The following CCDC141 variants were observed in gnomAD, a reference collection of about 807,000 sequenced individuals.
CCDC141 encodes the protein coiled-coil domain-containing protein 141.
Under a neutral mutation model 181.0 loss-of-function variants are expected in CCDC141, and 168 were observed. That is an observed-to-expected ratio of 0.93 (90% CI 0.82 to 1.05). The LOEUF (loss-of-function observed/expected upper bound fraction) is 1.05, where lower values mean the gene tolerates loss of function less well. CCDC141 is among the 50% of genes least tolerant of loss of function. The probability of loss-of-function intolerance (pLI) is 0.00; values close to 1 mark genes in which losing one functional copy is unlikely to be tolerated. For missense variants in CCDC141, 1,902 were observed against 1,788.5 expected, an observed-to-expected ratio of 1.06 and a Z score of -1.14; for synonymous variants, 666 against 642.3, an observed-to-expected ratio of 1.04 and a Z score of -0.56.
chr2:178,869,463 G>A (rs1686010081), intron 14 of CCDC141, among the ~76,000 whole-genome samples, 158 bp from the exon 15 acceptor site: 1 of 152,006 alleles, frequency 6.6e-6, no homozygotes. Flanking sequence ...GCATTGTGCT[G>A]GATGATAGAG....
intron 7 of CCDC141, among the ~76,000 whole-genome samples, chr2:178,905,943 T>C (rs1330929286): frequency 2.6e-5 from 4 of 152,244 alleles, no homozygotes; most frequent in Non-Finnish European, 5.9e-5. Context: ...TAAATTCCAC[T>C]TTGCTCTTGA....
Position 178,850,169 on chromosome 2 carries a change from G to A in CCDC141, c.3245-8C>T, listed in dbSNP as rs9808576. 5.8e-4 allele frequency: 858 copies of A among 1,480,698 alleles called. 5 individuals are homozygous for A. In the African/African-American group the frequency reaches 0.011, roughly 18 times the overall value. 91.7% of individuals were successfully genotyped at this position (1,480,698 alleles called of 1,614,324 possible). A position where few individuals can be genotyped will look rare whatever the true frequency, so the allele number is the denominator to read the frequency against. On this transcript the variant is annotated splice_polypyrimidine_tract_variant and splice_region_variant and intron_variant, in intron 20 of 23. Coordinates refer to ENST00000443758, the MANE Select transcript of CCDC141 (RefSeq NM_173648.4). ...TCTGTCCTTCTTCCAAACCTGGGGA[G>A]GAGAAGGATGAAACTAGTTTTAAAG... is the stretch of plus-strand genomic sequence containing the variant.
intron 2 of CCDC141, among the ~76,000 whole-genome samples, chr2:179,017,177 G>A (rs2042566397): frequency 6.6e-6 from 1 of 151,772 alleles, no homozygotes; most frequent in East Asian, 1.9e-4. Flanking sequence ...CATACTGGTG[G>A]CCTGTTTATC....
downstream of CCDC141, among the ~76,000 whole-genome samples, chr2:178,825,116 A>G (rs17356103): frequency 0.18 from 27,121 of 152,240 alleles, 2,833 homozygotes; most frequent in Middle Eastern, 0.26. Context: ...AAAAGTTTCC[A>G]GTTAACTAAA....
chr2:178,856,424 G>A, intron 17 of CCDC141, 27 bp from the exon 18 acceptor site: 7 of 1,490,890 alleles, frequency 4.7e-6, no homozygotes, highest in South Asian at 2.6e-5. Flanking sequence ...AGAAATAGGT[G>A]GTTTCCTTAA....
intron 17 of CCDC141, among the ~76,000 whole-genome samples, chr2:178,862,170 G>A (rs1452203421): frequency 6.6e-6 from 1 of 152,192 alleles, no homozygotes; most frequent in Non-Finnish European, 1.5e-5. Flanking sequence ...ATTAGAACAT[G>A]TGACCGATAC....
chr2:178,900,500 T>G (rs1471251795), intron 8 of CCDC141, among the ~76,000 whole-genome samples: 2 of 152,126 alleles, frequency 1.3e-5, no homozygotes, highest in African/African-American at 2.4e-5. Flanking sequence ...TCATAGAGTT[T>G]TTTGTTTGTT....
intron 2 of CCDC141, among the ~76,000 whole-genome samples, chr2:179,013,041 T>C (rs1281801027): frequency 6.6e-6 from 1 of 152,072 alleles, no homozygotes; most frequent in South Asian, 2.1e-4. Context: ...AAGCATGCCC[T>C]CTAAGAACTG....
chr2:178,928,245 A>C (rs1351346358), intron 6 of CCDC141, among the ~76,000 whole-genome samples: 1 of 152,182 alleles, frequency 6.6e-6, no homozygotes, highest in Non-Finnish European at 1.5e-5. Context: ...TGATGTCATA[A>C]AACAAAGTGT....
intron 2 of CCDC141, among the ~76,000 whole-genome samples, chr2:178,981,636 GTATA>G (rs1193430874): frequency 6.4e-5 from 4 of 62,396 alleles, no homozygotes; most frequent in Non-Finnish European, 1.3e-4. Flanking sequence ...GTGTGTGTGT[GTATA>G]TATATATATA....
At chr2:178,982,707 C>T (rs1033033301) in intron 2 of CCDC141, among the ~76,000 whole-genome samples, 6 of 152,154 alleles carry the variant, frequency 3.9e-5, no homozygotes, top group East Asian at 1.9e-4. Flanking sequence ...GGGTGACAGA[C>T]GGCACCTGGA....
At chr2:178,901,950 A>G (rs1016117935) in intron 8 of CCDC141, among the ~76,000 whole-genome samples, 98 of 152,330 alleles carry the variant, frequency 6.4e-4, no homozygotes, top group Non-Finnish European at 4.7e-4. Flanking sequence ...AAGCATTCTT[A>G]TACACCAACA....
intron 1 of CCDC141, among the ~76,000 whole-genome samples, chr2:179,047,683 G>A (rs1575390254): frequency 1.3e-5 from 2 of 152,190 alleles, no homozygotes; most frequent in Admixed American, 6.5e-5. Context: ...CCCAAGTGAG[G>A]AAAACATACA....
intron 3 of CCDC141, among the ~76,000 whole-genome samples, chr2:178,977,095 C>T (rs1027295891): frequency 2.0e-5 from 3 of 152,104 alleles, no homozygotes; most frequent in Non-Finnish European, 1.5e-5. Context: ...TGAAGTGATC[C>T]ACAAAATTGG....
chr2:178,846,127 G>A (rs1218800398), intron 21 of CCDC141, among the ~76,000 whole-genome samples: 1 of 150,894 alleles, frequency 6.6e-6, no homozygotes, highest in Non-Finnish European at 1.5e-5. Context: ...CTCTAGGGGA[G>A]AAGAAAGTAG....
chr2:178,962,653 T>TCTTTCTG (rs1434521461), intron 4 of CCDC141, among the ~76,000 whole-genome samples: 2 of 151,742 alleles, frequency 1.3e-5, no homozygotes, highest in Non-Finnish European at 2.9e-5. Context: ...CCTTCTTTCT[T>TCTTTCTG]TCTTTCCTCT....
At chr2:178,852,712 G>T (rs1040888438) in intron 20 of CCDC141, among the ~76,000 whole-genome samples, 1 of 152,168 alleles carries the variant, frequency 6.6e-6, no homozygotes, top group Non-Finnish European at 1.5e-5. Context: ...GGCTGCATTT[G>T]CCTGGTCACT....
intron 2 of CCDC141, among the ~76,000 whole-genome samples, chr2:179,023,837 A>G (rs1236574934): frequency 1.3e-5 from 2 of 152,248 alleles, no homozygotes; most frequent in Non-Finnish European, 2.9e-5. Flanking sequence ...GTCTTATCTC[A>G]TAGAGGTCTG....
At chr2:178,847,098 C>G (rs1360488851) in intron 21 of CCDC141, among the ~76,000 whole-genome samples, 1 of 152,216 alleles carries the variant, frequency 6.6e-6, no homozygotes, top group Non-Finnish European at 1.5e-5. Flanking sequence ...GCCTATTTCT[C>G]TTGCCAGAGA....
Sources: gnomAD v4.1 joint callset for allele counts (sites outside exome capture counted in the v4.1 genomes callset) on GRCh38, gnomAD v4.1.1 for gene constraint, MANE v1.5 for transcripts, NCBI Gene and HGNC (gene_info 2026-07-23, HGNC 2026-07-21) for gene names.